Variants in FBXL7 observed in about 807,000 individuals in gnomAD.
FBXL7 encodes the protein F-box and leucine rich repeat protein 7.
FBXL7 carries 12 observed loss-of-function variants against 38.3 expected under a neutral mutation model. That is an observed-to-expected ratio of 0.31 (90% CI 0.20 to 0.51). The LOEUF (loss-of-function observed/expected upper bound fraction) is 0.51, where lower values mean the gene tolerates loss of function less well. FBXL7 is among the 20% of genes least tolerant of loss of function. The probability of loss-of-function intolerance (pLI) is 0.98; values close to 1 mark genes in which losing one functional copy is unlikely to be tolerated. For synonymous variants in FBXL7, 297 were observed against 300.9 expected (o/e 0.99, Z 0.13); for missense variants, 567 against 676.4 (o/e 0.84, Z 1.79).
intron 2 of FBXL7, among the ~76,000 whole-genome samples, chr5:15,671,161 T>G (rs919450718): frequency 6.6e-6 from 1 of 152,186 alleles, no homozygotes; most frequent in African/African-American, 2.4e-5. Flanking sequence ...CTCCCACTTT[T>G]GTAGTGGGAA....
chr5:15,698,087 T>C (rs957131239), intron 2 of FBXL7, among the ~76,000 whole-genome samples: 4 of 152,084 alleles, frequency 2.6e-5, no homozygotes, highest in African/African-American at 9.7e-5. Context: ...CTTCCAGAGG[T>C]TGGAGCACAG....
At chr5:15,502,672 G>A (rs1314498531) in intron 1 of FBXL7, among the ~76,000 whole-genome samples, 1 of 152,140 alleles carries the variant, frequency 6.6e-6, no homozygotes, top group African/African-American at 2.4e-5. Flanking sequence ...AACAGAAATA[G>A]AATGACCTTC....
intron 1 of FBXL7, among the ~76,000 whole-genome samples, chr5:15,595,507 G>A (rs1442320499): frequency 6.6e-6 from 1 of 152,156 alleles, no homozygotes; most frequent in Non-Finnish European, 1.5e-5. Context: ...TAGATTGCAG[G>A]CTGAGGGAGG....
At chr5:15,722,930 C>CAAAAAAAAAAAAA (rs1554017097) in intron 2 of FBXL7, among the ~76,000 whole-genome samples, 22 of 142,116 alleles carry the variant, frequency 1.5e-4, no homozygotes, top group African/African-American at 5.5e-4. Context: ...TCAAAAAAAA[C>CAAAAAAAAAAAAA]AAAAAAAAAA....
At chr5:15,618,180 C>G (rs1030386854) in intron 2 of FBXL7, among the ~76,000 whole-genome samples, 25 of 152,020 alleles carry the variant, frequency 1.6e-4, no homozygotes, top group Admixed American at 5.9e-4. Context: ...CATTTTGTCA[C>G]AATGTATTTT....
chr5:15,811,432 C>A (rs1737855823), intron 2 of FBXL7, among the ~76,000 whole-genome samples: 1 of 152,024 alleles, frequency 6.6e-6, no homozygotes, highest in African/African-American at 2.4e-5. Flanking sequence ...TGTGTGTATA[C>A]CTGTGTCCTA....
chr5:15,927,150 G>A (rs1741896274), intron 2 of FBXL7, among the ~76,000 whole-genome samples: 1 of 152,036 alleles, frequency 6.6e-6, no homozygotes, highest in South Asian at 2.1e-4. Flanking sequence ...GACTAGTCCA[G>A]CTGGTCTGCT....
chr5:15,685,358 A>G (rs1294915940), intron 2 of FBXL7, among the ~76,000 whole-genome samples: 1 of 152,182 alleles, frequency 6.6e-6, no homozygotes, highest in African/African-American at 2.4e-5. Flanking sequence ...CTTGGAAGCA[A>G]CTGCAGTTAC....
chr5:15,548,924 TG>T (rs568392044), intron 1 of FBXL7, among the ~76,000 whole-genome samples: 1 of 152,210 alleles, frequency 6.6e-6, no homozygotes, highest in Non-Finnish European at 1.5e-5. Flanking sequence ...TGACTGCACC[TG>T]TAAAGATAAG....
rs1475969683 is a variant in FBXL7 at position 15,536,921 on chromosome 5, T to C, written c.37+36208T>C. Among the ~76,000 whole-genome samples the C allele has an allele frequency of 3.9e-5, 6 of 152,258 alleles. No individual in the cohort carries two copies. The East Asian group carries it at 9.7e-4, about 25-fold the overall frequency. On this transcript the variant is annotated intron_variant, in intron 1 of 3. Transcript: ENST00000504595. The stretch of plus-strand genomic sequence containing the variant: ...AATCCCATGTGTTGAGGGAGGGACC[T>C]GATGGGAAGTGATTGAATCATGGGG...
chr5:15,841,599 A>G (rs1738747394), intron 2 of FBXL7, among the ~76,000 whole-genome samples: 1 of 151,998 alleles, frequency 6.6e-6, no homozygotes, highest in Non-Finnish European at 1.5e-5. Flanking sequence ...TAAAGTTTGT[A>G]TCCCTTGCTT....
chr5:15,515,293 T>A (rs1736904435), intron 1 of FBXL7, among the ~76,000 whole-genome samples: 1 of 152,186 alleles, frequency 6.6e-6, no homozygotes, highest in African/African-American at 2.4e-5. Context: ...TCAAATTCTG[T>A]GCACTAAAGT....
At chr5:15,734,114 CAAAAA>C (rs370211850) in intron 2 of FBXL7, among the ~76,000 whole-genome samples, 11 of 139,530 alleles carry the variant, frequency 7.9e-5, no homozygotes, top group Non-Finnish European at 7.7e-5. Context: ...GACTGGGTCT[CAAAAA>C]AAAAAAAAAA....
At chr5:15,892,226 T>C (rs1162943146) in intron 2 of FBXL7, among the ~76,000 whole-genome samples, 1 of 152,176 alleles carries the variant, frequency 6.6e-6, no homozygotes, top group Non-Finnish European at 1.5e-5. Flanking sequence ...GAAGTGTGCA[T>C]GGCACATTCT....
chr5:15,792,979 G>C (rs189645885), intron 2 of FBXL7, among the ~76,000 whole-genome samples: 308 of 152,278 alleles, frequency 2.0e-3, no homozygotes, highest in African/African-American at 7.0e-3. Flanking sequence ...GGGGGAAGGG[G>C]AAGATTAGGT....
At chr5:15,670,346 T>C (rs1015170668) in intron 2 of FBXL7, among the ~76,000 whole-genome samples, 6 of 152,296 alleles carry the variant, frequency 3.9e-5, no homozygotes, top group African/African-American at 1.4e-4. Context: ...AAATTAAAAG[T>C]CTTTCTCCAT....
intron 1 of FBXL7, among the ~76,000 whole-genome samples, chr5:15,537,320 C>T (rs1737615398): frequency 6.6e-6 from 1 of 152,074 alleles, no homozygotes; most frequent in Admixed American, 6.6e-5. Context: ...GGAGGAGCAG[C>T]ATTTTTAAGA....
intron 2 of FBXL7, among the ~76,000 whole-genome samples, chr5:15,708,637 G>A (rs540265276): frequency 6.6e-6 from 1 of 152,168 alleles, no homozygotes; most frequent in Admixed American, 6.5e-5. Flanking sequence ...GTAAATCTCT[G>A]AGACATTATC....
intron 2 of FBXL7, among the ~76,000 whole-genome samples, chr5:15,619,686 G>C (rs1005010485): frequency 1.3e-5 from 2 of 152,120 alleles, no homozygotes; most frequent in African/African-American, 4.8e-5. Flanking sequence ...GAATGGTATT[G>C]ATTTTTTAAA....
Sources: gnomAD v4.1 joint callset for allele counts (sites outside exome capture counted in the v4.1 genomes callset) on GRCh38, gnomAD v4.1.1 for gene constraint, MANE v1.5 for transcripts, NCBI Gene and HGNC (gene_info 2026-07-23, HGNC 2026-07-21) for gene names.